Variants in MYH2 observed in about 807,000 individuals in gnomAD.
The protein encoded by MYH2 is myosin heavy chain 2.
MYH2 carries 139 observed loss-of-function variants against 228.1 expected under a neutral mutation model. The ratio of observed to expected loss-of-function variants is 0.61; its 90% CI spans 0.53 to 0.70. The LOEUF (loss-of-function observed/expected upper bound fraction) is 0.70, where lower values mean the gene tolerates loss of function less well. Ranked by LOEUF, MYH2 falls within the 30% of genes least tolerant of loss-of-function variation. The pLI is 0.00. For missense variants in MYH2, 1,809 were observed against 2,357.5 expected (o/e 0.77, Z 4.82); for synonymous variants, 796 against 871.1 (o/e 0.91, Z 1.52).
chr17:10,528,555 T>C lies in MYH2; in HGVS notation c.3744+135A>G. ...TTTGTTAAGTTGAAATAATAAAAAA[T>C]GCTGATTTTTTGTGCTTACTTCCCT... On this transcript the variant is annotated intron_variant, in intron 27 of 39. Coordinates refer to ENST00000245503, the MANE Select transcript of MYH2 (RefSeq NM_017534.6). The C allele has an allele frequency of 2.3e-6, 3 of 1,329,124 alleles. No individual in the cohort carries two copies. In the South Asian group the frequency reaches 4.0e-5, roughly 18 times the overall value. The allele number at this position is 1,329,124 out of a possible 1,614,324, so 82.3% of individuals were successfully genotyped here.
In MYH2 at chr17:10,525,141, T is replaced by C. The variant is rs2142293003; in HGVS notation, c.4663-76A>G. 5.6e-6 allele frequency: 9 copies of C among 1,613,940 alleles called. No homozygotes were observed. Among genetic ancestry groups the C allele is most frequent in the Non-Finnish European group, 7.6e-6 (9 of 1,179,926 alleles). On this transcript the variant is annotated intron_variant, in intron 33 of 39. Transcript: ENST00000245503. The surrounding 1 kb of genome is among the most constrained non-coding windows in gnomAD (Gnocchi z 4.2). The stretch of plus-strand genomic sequence containing the variant: ...GTTTTTCTGCACAGCAATAATTTTG[T>C]GCTATGTGTCTTTTTATTCACTCTA...
chr17:10,535,543 C>G (rs867498205), intron 17 of MYH2, among the ~76,000 whole-genome samples, 178 bp from the exon 18 acceptor site: 1 of 152,214 alleles, frequency 6.6e-6, no homozygotes, highest in Admixed American at 6.5e-5. Context: ...ATAGATCTTT[C>G]TGCACTTGAG....
chr17:10,536,216 T>C (rs2073480526), intron 17 of MYH2, among the ~76,000 whole-genome samples: 1 of 152,156 alleles, frequency 6.6e-6, no homozygotes, highest in African/African-American at 2.4e-5. Context: ...GGGTACAGTG[T>C]ACACTGCTCT....
rs780000739 is a variant in MYH2, at chr17:10,526,798, A to G, written c.3991-3T>C. 13 of 1,614,240 alleles carry G rather than the reference A, an allele frequency of 8.1e-6. No individual in the cohort carries two copies. Among genetic ancestry groups the G allele is most frequent in the Non-Finnish European group, 1.0e-5 (12 of 1,180,044 alleles). ...GCATGCGCCAGGGCGTTCTTGGCCT[A>G]TGGAGGCAGTTACACCTTCATTTTA... On this transcript the variant is annotated splice_region_variant and splice_polypyrimidine_tract_variant and intron_variant, in intron 29 of 39. Transcript: ENST00000245503.
rs1327797053 is a variant in MYH2, at chr17:10,529,331, CT to C, written c.3263+4del. The C allele has an allele frequency of 6.2e-7, 1 of 1,613,894 alleles. No homozygotes were observed. Among genetic ancestry groups the C allele is most frequent in the Non-Finnish European group, 8.5e-7 (1 of 1,180,016 alleles). ...CAAATCCATAAGCAATTCTTTCTTA[CT>C]TACTTTTTGAGCTTTTCATCAAGTT... On this transcript the variant is annotated splice_donor_region_variant and intron_variant, in intron 25 of 39. Transcript: ENST00000245503.
rs886052564 is a variant in MYH2, at chr17:10,527,780, G to A, written c.3839C>T (p.Thr1280Ile). The change falls in exon 28 of 40, where the codon ACT becomes ATT. Residue 1280 changes from threonine to isoleucine, a missense_variant. Transcript: ENST00000245503. Reference protein sequence around the residue: ...EEQQRLINDLTAQRGRLQTES... With the variant: ...EEQQRLINDLIAQRGRLQTES... ...AGTCTGCAGGCGCCCCCTCTGCGCA[G>A]TCAGGTCATTGATCAGCCGCTGCTG... 4.3e-6 allele frequency: 7 copies of A among 1,613,996 alleles called. No individual in the cohort carries two copies. Among genetic ancestry groups the A allele is most frequent in the South Asian group, 1.1e-5 (1 of 91,084 alleles).
chr17:10,521,636 C>T (rs544006912), intron 39 of MYH2, among the ~76,000 whole-genome samples: 1 of 151,192 alleles, frequency 6.6e-6, no homozygotes, highest in Admixed American at 6.6e-5. Context: ...TCTCACATTC[C>T]TATTTTGGCA....
chr17:10,530,219 C>A, intron 22 of MYH2, 145 bp from the exon 23 acceptor site: 1 of 1,351,516 alleles, frequency 7.4e-7, no homozygotes. Flanking sequence ...ATGAACCACC[C>A]TACTGTGTAC....
rs778626880 is a variant in MYH2, at chr17:10,526,628, G to T, written c.4158C>A (p.Ile1386=). 3.7e-5 allele frequency: 60 copies of T among 1,613,996 alleles called. No individual in the cohort carries two copies. Among genetic ancestry groups the T allele is most frequent in the Non-Finnish European group, 5.0e-5 (59 of 1,179,878 alleles). Reference sequence around the variant, plus strand: ...CCTCCTCCAGCTCCTCTGTGCGCTGGATGGCGTCCGTCTCGTATTTGGTCC... The same window carrying T: ...CCTCCTCCAGCTCCTCTGTGCGCTGTATGGCGTCCGTCTCGTATTTGGTCC... ...QWRTKYETDA[I]QRTEELEEAK... is the part of the protein sequence containing the mutation. Residue 1386 remains isoleucine, a synonymous_variant, in exon 30 of 40, where the codon ATC becomes ATA. Coordinates refer to ENST00000245503, the MANE Select transcript of MYH2 (RefSeq NM_017534.6).
At chr17:10,532,448 T>G (rs138901293) in intron 21 of MYH2, among the ~76,000 whole-genome samples, 1,582 of 152,310 alleles carry the variant, frequency 0.01, 13 homozygotes, top group Non-Finnish European at 0.015. Flanking sequence ...ACCACTTTTG[T>G]TTTCATCTAA....
intron 12 of MYH2, 88 bp downstream of exon 12, chr17:10,539,840 T>G: frequency 6.4e-7 from 1 of 1,573,916 alleles, no homozygotes; most frequent in Non-Finnish European, 8.7e-7. Flanking sequence ...AAAAGTGAAT[T>G]TACCTTCCCT....
intron 19 of MYH2, 123 bp from the exon 20 acceptor site, chr17:10,533,755 G>A (rs1222250835): frequency 3.7e-6 from 5 of 1,340,476 alleles, no homozygotes; most frequent in Non-Finnish European, 5.2e-6. Flanking sequence ...TTCACAAGGA[G>A]AACATTGTTT....
In MYH2 at chr17:10,521,392, A is replaced by G. The variant is rs2073282468; in HGVS notation, c.5714T>C (p.Leu1905Pro). The G allele has an allele frequency of 6.2e-7, 1 of 1,613,962 alleles. No homozygotes were observed. The highest frequency in any genetic ancestry group is 8.5e-7 in the Non-Finnish European group (1 of 1,180,018). Residue 1905 changes from leucine to proline, a missense_variant, in exon 40 of 40, where the codon CTC (leucine) becomes CCC (proline). Transcript: ENST00000245503. ...SNTNLAKFRK[L>P]QHELEEAEER... ...CTCGGCCTCCTCCAGCTCATGCTGG[A>G]GCTTGCGGAATTTAGCTAGATTGGT...
At position 10,527,055 on chromosome 17, in the gene MYH2, AC is replaced by A; in HGVS notation, c.3872del (p.Gly1291ValfsTer31). 6.2e-7 allele frequency: 1 copy of A among 1,613,368 alleles called. No individual in the cohort carries two copies. The highest frequency in any genetic ancestry group is 1.1e-5 in the South Asian group (1 of 91,072). On this transcript the variant is annotated frameshift_variant and splice_region_variant, in exon 29 of 40. Coordinates refer to ENST00000245503, the MANE Select transcript of MYH2 (RefSeq NM_017534.6). LOFTEE classifies it high-confidence loss of function. Reference protein sequence around the residue: ...AQRGRLQTESGEFSRQLDEKE... With the variant: ...AQRGRLQTESXEFSRQLDEKE... Reference sequence around the variant, plus strand: ...TTTCATCAAGCTGGCGTGAAAACTCACCTGATGGACAAAAGAAATGGCACCA... The same window carrying A: ...TTTCATCAAGCTGGCGTGAAAACTCACTGATGGACAAAAGAAATGGCACCA...
intron 4 of MYH2, among the ~76,000 whole-genome samples, chr17:10,547,268 G>A (rs983459571): frequency 2.0e-5 from 3 of 152,228 alleles, no homozygotes; most frequent in East Asian, 3.9e-4. Context: ...CATGGACAGC[G>A]GCCTTCCCCA....
At chr17:10,541,242 C>T (rs559563055) in intron 10 of MYH2, among the ~76,000 whole-genome samples, 5 of 152,306 alleles carry the variant, frequency 3.3e-5, no homozygotes, top group African/African-American at 9.6e-5. Flanking sequence ...TATTTCTCTT[C>T]TTTCAAAAGC....
At chr17:10,542,010 A>G (rs1047101723) in intron 10 of MYH2, among the ~76,000 whole-genome samples, 3 of 152,204 alleles carry the variant, frequency 2.0e-5, no homozygotes, top group African/African-American at 7.2e-5. Context: ...ACAGTGTCTC[A>G]TGCCCATAAT....
intron 17 of MYH2, among the ~76,000 whole-genome samples, chr17:10,536,115 G>A (rs2073479333): frequency 6.6e-6 from 1 of 152,142 alleles, no homozygotes; most frequent in Admixed American, 6.5e-5. Context: ...TCTTTCCAAA[G>A]TTAGATCAAC....
At position 10,524,444 on chromosome 17, in the gene MYH2, A is replaced by T. The variant is rs761957645; in HGVS notation, c.5175+22T>A. 1.1e-5 allele frequency: 18 copies of T among 1,614,004 alleles called. No individual in the cohort carries two copies. In the South Asian group the frequency reaches 2.0e-4, roughly 18 times the overall value. On this transcript the variant is annotated intron_variant, in intron 35 of 39. Transcript: ENST00000245503. This position sits in a 1 kb window ranked among gnomAD's most constrained non-coding sequence, Gnocchi z 4.7. ...GGGACATATAAAATTTACTAAGGAG[A>T]GTTCTTTGTGCTGAATCCCACCTGG...
Sources: allele counts gnomAD v4.1 joint callset (sites outside exome capture counted in the v4.1 genomes callset), GRCh38; gene constraint gnomAD v4.1.1; non-coding constraint Gnocchi (gnomAD v3.1); transcripts MANE v1.5; gene names NCBI Gene and HGNC (gene_info 2026-07-23, HGNC 2026-07-21).